SELENOO: variants seen among roughly 807,000 people sequenced by gnomAD.
SELENOO encodes protein adenylyltransferase SelO, mitochondrial.
In SELENOO, 74 loss-of-function variants were observed where a neutral mutation model predicts 58.7. The ratio of observed to expected loss-of-function variants is 1.26; its 90% CI spans 1.04 to 1.53. SELENOO has a LOEUF of 1.53. Among genes scored for constraint, SELENOO ranks in the 40% most tolerant of loss-of-function variants. The pLI, the probability that SELENOO is intolerant of heterozygous loss-of-function variation, is 0.00. For synonymous variants in SELENOO, 543 were observed against 453.2 expected, an observed-to-expected ratio of 1.20 and a Z score of -2.52; for missense variants, 1,149 against 970.0, an observed-to-expected ratio of 1.18 and a Z score of -2.45.
At position 50,217,538 on chromosome 22, in the gene SELENOO, G is replaced by C. The variant is rs2064432545; in HGVS notation, c.*169G>C. The C allele has an allele frequency of 4.9e-6, 5 of 1,030,352 alleles. No individual in the cohort carries two copies. Among genetic ancestry groups the C allele is most frequent in the Non-Finnish European group, 7.0e-6 (5 of 716,652 alleles). The allele number at this position is 1,030,352 out of a possible 1,614,324, so 63.8% of individuals were successfully genotyped here. On this transcript the variant is annotated 3_prime_UTR_variant, in exon 9 of 9. Coordinates refer to ENST00000380903, the MANE Select transcript of SELENOO (RefSeq NM_031454.2). ...TCCAGTCAGGACCTGACCCGTCTCTGTCTGAGGCCGGCTCAGCAGTGCAGC... is the reference window on the plus strand; with the variant it reads ...TCCAGTCAGGACCTGACCCGTCTCTCTCTGAGGCCGGCTCAGCAGTGCAGC...
chr22:50,201,876 A>C (rs1350869396), intron 1 of SELENOO, among the ~76,000 whole-genome samples: 5 of 152,240 alleles, frequency 3.3e-5, no homozygotes. Context: ...CCCTAACCCT[A>C]ACCCCGCAGG....
intron 5 of SELENOO, among the ~76,000 whole-genome samples, chr22:50,212,280 G>T (rs1241579086): frequency 1.3e-5 from 2 of 152,066 alleles, no homozygotes; most frequent in African/African-American, 4.8e-5. Flanking sequence ...TTCTTTGTTG[G>T]AAAAATTTTG....
chr22:50,216,868 G>A lies in SELENOO; in HGVS notation c.1680G>A (p.Gln560=), dbSNP rs746545015. ...AGGGCCACTGGGCTGACTGGCTACAGGCGTACAGGTGAGCCCTGCGTCCAT... is the reference window on the plus strand; with the variant it reads ...AGGGCCACTGGGCTGACTGGCTACAAGCGTACAGGTGAGCCCTGCGTCCAT... The part of the protein sequence containing the change: ...RNQGHWADWL[Q]AYRARLDKDL... The change falls in exon 7 of 9, where the codon CAG becomes CAA. Residue 560 remains glutamine, a synonymous_variant. Coordinates refer to ENST00000380903, the MANE Select transcript of SELENOO (RefSeq NM_031454.2). 4.4e-6 allele frequency: 7 copies of A among 1,607,356 alleles called. No individual in the cohort carries two copies. In the South Asian group the frequency reaches 4.4e-5, roughly 10 times the overall value.
chr22:50,210,168 T>C lies in SELENOO; in HGVS notation c.940-13T>C, dbSNP rs775679195. ...GACCCCGAGGAGGGAGCAAGCACACTGTCCCACCCCAGGTGACGCGGCGCA... is the reference window on the plus strand; with the variant it reads ...GACCCCGAGGAGGGAGCAAGCACACCGTCCCACCCCAGGTGACGCGGCGCA... On this transcript the variant is annotated splice_polypyrimidine_tract_variant and intron_variant, in intron 3 of 8. Coordinates refer to ENST00000380903, the MANE Select transcript of SELENOO (RefSeq NM_031454.2). 1.9e-6 allele frequency: 3 copies of C among 1,610,946 alleles called. No homozygotes were observed. Among genetic ancestry groups the C allele is most frequent in the East Asian group, 2.2e-5 (1 of 44,844 alleles).
Position 50,201,095 on chromosome 22 carries a change from T to A in SELENOO, c.59T>A (p.Leu20His). The A allele has an allele frequency of 7.3e-7, 1 of 1,366,252 alleles. No individual in the cohort carries two copies. 84.6% of individuals were successfully genotyped at this position (1,366,252 alleles called of 1,614,324 possible). ...CTCGCGGCTGCCCGACTCTTGCCCC[T>A]CGGTCGCTGTTCCCCGTCGCCGGCG... ...ASLAAARLLP[L>H]GRCSPSPAPR... Residue 20 changes from leucine to histidine, a missense_variant, in exon 1 of 9, where the codon CTC becomes CAC. Leu to His is a moderately conservative substitution (Grantham distance 99). Coordinates refer to ENST00000380903, the MANE Select transcript of SELENOO (RefSeq NM_031454.2).
chr22:50,213,461 C>T (rs915439904), intron 5 of SELENOO, among the ~76,000 whole-genome samples: 2 of 152,168 alleles, frequency 1.3e-5, no homozygotes, highest in African/African-American at 4.8e-5. Flanking sequence ...TCTTGGAGAA[C>T]TTTCTGTGTG....
intron 4 of SELENOO, 89 bp downstream of exon 4, chr22:50,210,400 G>T (rs553377874): frequency 3.3e-6 from 5 of 1,517,962 alleles, no homozygotes; most frequent in Middle Eastern, 1.8e-4. Flanking sequence ...GCACTGGCCC[G>T]TGATGCTTGA....
chr22:50,215,848 C>T lies in SELENOO; in HGVS notation c.1483C>T (p.Arg495Trp), dbSNP rs752166060. ...CCTGGAGGAGCTGAGGCTGGCCTTC[C>T]GGCCCCAGATGGATCCCCGGTGGGT... ...ASLEELRLAFRPQMDPRQLSM... is the reference protein window; with the variant it reads ...ASLEELRLAFWPQMDPRQLSM... The change falls in exon 6 of 9, where the codon CGG (arginine) becomes TGG (tryptophan). Residue 495 changes from arginine (R) to tryptophan (W), a missense_variant. Coordinates refer to ENST00000380903, the MANE Select transcript of SELENOO (RefSeq NM_031454.2). The T allele has an allele frequency of 1.6e-5, 26 of 1,610,184 alleles. No homozygotes were observed. Among genetic ancestry groups the T allele is most frequent in the East Asian group, 1.3e-4 (6 of 44,792 alleles).
intron 3 of SELENOO, chr22:50,209,670 G>A (rs142897683): frequency 0.014 from 2,218 of 155,112 alleles, 24 homozygotes; most frequent in Non-Finnish European, 0.022. Flanking sequence ...TCAGGCCTGT[G>A]TTCAGCAGGG....
chr22:50,210,280 A>G lies in SELENOO; in HGVS notation c.1039A>G (p.Ile347Val), dbSNP rs1602492615. The stretch of plus-strand genomic sequence containing the variant: ...CAACATGAGCATCCTGGGGCTCACC[A>G]TCGACTACGGGCCCTTTGGCTTCCT... ...TDNMSILGLT[I>V]DYGPFGFLDR... The change falls in exon 4 of 9, where the codon ATC becomes GTC. Residue 347 changes from isoleucine to valine, a missense_variant. Ile to Val is a conservative substitution (Grantham distance 29). Transcript: ENST00000380903. 2 of 1,613,282 alleles carry G rather than the reference A, an allele frequency of 1.2e-6. No homozygotes were observed. The highest frequency in any genetic ancestry group is 1.7e-6 in the Non-Finnish European group (2 of 1,179,906).
In SELENOO at chr22:50,217,258, C is replaced by T. The variant is rs546980906; in HGVS notation, c.1899C>T (p.Ala633=). ...LETPYHCEAG[A]ATDAEATEAD... is the part of the protein sequence containing the mutation. ...CCCCTTACCACTGCGAGGCGGGGGC[C>T]GCCACAGACGCCGAGGCCACGGAAG... The change falls in exon 9 of 9, where the codon GCC becomes GCT. Residue 633 remains alanine (A), a synonymous_variant. Coordinates refer to ENST00000380903, the MANE Select transcript of SELENOO (RefSeq NM_031454.2). 28 of 1,612,008 alleles carry T rather than the reference C, an allele frequency of 1.7e-5. No individual in the cohort carries two copies. In the Admixed American group the frequency reaches 1.8e-4, roughly 11 times the overall value.
chr22:50,216,394 G>A (rs1285040638), intron 6 of SELENOO, among the ~76,000 whole-genome samples: 2 of 152,264 alleles, frequency 1.3e-5, no homozygotes, highest in African/African-American at 4.8e-5. Context: ...GCTAACAGCA[G>A]TGCCCATCCC....
chr22:50,209,792 T>TGG (rs200753980), intron 3 of SELENOO, among the ~76,000 whole-genome samples: 45 of 151,192 alleles, frequency 3.0e-4, no homozygotes, highest in African/African-American at 1.0e-3. Flanking sequence ...GCTGTCTGGT[T>TGG]GGGGGGGGCC....
Position 50,201,320 on chromosome 22 carries a change from T to C in SELENOO, c.284T>C (p.Leu95Pro), listed in dbSNP as rs947414573. ...CCCACCCCGCTGCGGCAGCCGCGCC[T>C]CGTGGCGCTGTCAGAGCCCGCGCTG... ...VQPTPLRQPR[L>P]VALSEPALAL... Residue 95 changes from leucine (L) to proline (P), a missense_variant, in exon 1 of 9, where the codon CTC becomes CCC. Coordinates refer to ENST00000380903, the MANE Select transcript of SELENOO (RefSeq NM_031454.2). 2 of 1,138,864 alleles carry C rather than the reference T, an allele frequency of 1.8e-6. No individual in the cohort carries two copies. Among genetic ancestry groups the C allele is most frequent in the African/African-American group, 3.3e-5 (2 of 60,486 alleles). The allele number at this position is 1,138,864 out of a possible 1,614,324, so 70.5% of individuals were successfully genotyped here. A position where few individuals can be genotyped will look rare whatever the true frequency, so the allele number is the denominator to read the frequency against.
In SELENOO at chr22:50,217,438, A is replaced by T. The variant is rs543861552; in HGVS notation, c.*69A>T. 7 of 1,559,140 alleles carry T rather than the reference A, an allele frequency of 4.5e-6. No homozygotes were observed. The highest frequency in any genetic ancestry group is 5.2e-6 in the Non-Finnish European group (6 of 1,148,542). ...CATGTGCTGCTGAGTGGCCAAGATG[A>T]TGCCAGGCTGCCCTATACACTGGGG... On this transcript the variant is annotated 3_prime_UTR_variant, in exon 9 of 9. Transcript: ENST00000380903.
chr22:50,215,025 C>T (rs1220422942), intron 5 of SELENOO, among the ~76,000 whole-genome samples: 1 of 152,192 alleles, frequency 6.6e-6, no homozygotes. Flanking sequence ...TCACGTTCTC[C>T]CTTGCTACCT....
chr22:50,216,970 A>G lies in SELENOO; in HGVS notation c.1689-2A>G, dbSNP rs966178287. On this transcript the variant is annotated splice_acceptor_variant, in intron 7 of 8. Transcript: ENST00000380903. LOFTEE classifies it high-confidence loss of function. ...GACTCCAGAGCCCGGATGTCATTCC[A>G]GAGCCCGGCTGGACAAGGACCTGGA... 2.5e-6 allele frequency: 4 copies of G among 1,607,690 alleles called. No individual in the cohort carries two copies. The highest frequency in any genetic ancestry group is 1.7e-5 in the Admixed American group (1 of 59,898).
In SELENOO at chr22:50,208,586, C is replaced by T; in HGVS notation, c.809C>T (p.Ala270Val). ...FKSADEHTGR[A>V]GPSVGRNDIR... ...TCTGCAGATGAGCACACAGGGCGTG[C>T]AGGCCCCAGCGTGGGGAGGAACGAC... The change falls in exon 3 of 9, where the codon GCA becomes GTA. Residue 270 changes from alanine (A) to valine (V), a missense_variant. By Grantham distance (64) the Ala-to-Val change is moderately conservative. Transcript: ENST00000380903. 6.2e-7 allele frequency: 1 copy of T among 1,613,924 alleles called. No homozygotes were observed. Among genetic ancestry groups the T allele is most frequent in the South Asian group, 1.1e-5 (1 of 91,084 alleles).
chr22:50,208,796 C>A, intron 3 of SELENOO, 80 bp downstream of exon 3: 1 of 1,402,470 alleles, frequency 7.1e-7, no homozygotes, highest in South Asian at 1.3e-5. Flanking sequence ...CTCATTTTGG[C>A]CGGGGGACAA....
Sources: gnomAD v4.1 joint callset for allele counts (sites outside exome capture counted in the v4.1 genomes callset) on GRCh38, gnomAD v4.1.1 for gene constraint, MANE v1.5 for transcripts, NCBI Gene and HGNC (gene_info 2026-07-23, HGNC 2026-07-21) for gene names.